PTPRN2: variants seen among roughly 807,000 people sequenced by gnomAD.
PTPRN2 encodes receptor-type tyrosine-protein phosphatase N2.
PTPRN2 carries 74 observed loss-of-function variants against 118.8 expected under a neutral mutation model. That is an observed-to-expected ratio of 0.62 (90% CI 0.52 to 0.76). The LOEUF is 0.76. Among genes scored for constraint, PTPRN2 ranks in the 30% least tolerant of loss-of-function variants. The probability of loss-of-function intolerance (pLI) is 0.00; values close to 1 mark genes in which losing one functional copy is unlikely to be tolerated. For missense variants in PTPRN2, 1,481 were observed against 1,394.4 expected (o/e 1.06, Z -0.99); for synonymous variants, 641 against 608.0 (o/e 1.05, Z -0.80).
chr7:157,917,123 G>A (rs1193783226), intron 11 of PTPRN2, among the ~76,000 whole-genome samples: 4 of 115,342 alleles, frequency 3.5e-5, no homozygotes, highest in East Asian at 5.7e-4. Context: ...CCTCCTCCCT[G>A]GCTGAAGGTC....
chr7:157,977,781 A>T lies in PTPRN2; in HGVS notation c.1724-79044T>A, dbSNP rs558021800. 6.6e-6 allele frequency among the ~76,000 whole-genome samples: 1 copy of T among 151,948 alleles called. No individual in the cohort carries two copies. Among genetic ancestry groups the T allele is most frequent in the East Asian group, 1.9e-4 (1 of 5,174 alleles). ...GAGGCTGCAGCAGGGACACTTGAAG[A>T]TCTAGTGACACCTAAGAGCTCCCTG... is the stretch of plus-strand genomic sequence containing the variant. On this transcript the variant is annotated intron_variant, in intron 11 of 22. Transcript: ENST00000389418. The surrounding 1 kb of genome is among the most constrained non-coding windows in gnomAD (Gnocchi z 4.6).
At chr7:157,815,992 C>T (rs1371706874) in intron 12 of PTPRN2, among the ~76,000 whole-genome samples, 4 of 152,212 alleles carry the variant, frequency 2.6e-5, no homozygotes, top group Non-Finnish European at 4.4e-5. Flanking sequence ...CTGTCACCCT[C>T]GTGCAGATGT....
chr7:158,567,366 G>T (rs1827725757), intron 1 of PTPRN2, among the ~76,000 whole-genome samples: 1 of 152,204 alleles, frequency 6.6e-6, no homozygotes, highest in African/African-American at 2.4e-5. Context: ...GACGAGGCCA[G>T]CCGTGCCTGC....
At chr7:157,742,541 G>A (rs12670477) in intron 12 of PTPRN2, among the ~76,000 whole-genome samples, 8,796 of 151,010 alleles carry the variant, frequency 0.058, 450 homozygotes, top group East Asian at 0.16. Context: ...TGGAGTAAAC[G>A]ATGAATGTGG....
rs541185394 is a variant in PTPRN2, at chr7:158,526,821, C to T, written c.113-37036G>A. On this transcript the variant is annotated intron_variant, in intron 1 of 22. Transcript: ENST00000389418. This position sits in a 1 kb window ranked among gnomAD's most constrained non-coding sequence, Gnocchi z 5.2. ...AGGCCTCTGGGGGAACCTGCCCTGC[C>T]GTGCTCTCATCTTGGACTTTCGGCC... Among the ~76,000 whole-genome samples the T allele has an allele frequency of 2.0e-5, 3 of 152,170 alleles. No individual in the cohort carries two copies. Among genetic ancestry groups the T allele is most frequent in the East Asian group, 1.9e-4 (1 of 5,154 alleles).
chr7:157,556,764 T>A (rs1252740078), intron 21 of PTPRN2, among the ~76,000 whole-genome samples: 4 of 144,420 alleles, frequency 2.8e-5, no homozygotes, highest in Non-Finnish European at 1.5e-5. Context: ...CATATGCACA[T>A]GCACACACAC....
intron 2 of PTPRN2, among the ~76,000 whole-genome samples, chr7:158,469,348 G>A (rs1819672289): frequency 6.6e-6 from 1 of 152,160 alleles, no homozygotes; most frequent in African/African-American, 2.4e-5. Context: ...AGCTGAGGGA[G>A]CAGAATCGTT....
At chr7:158,101,096 G>A (rs1815191228) in intron 10 of PTPRN2, among the ~76,000 whole-genome samples, 1 of 152,108 alleles carries the variant, frequency 6.6e-6, no homozygotes, top group Non-Finnish European at 1.5e-5. Flanking sequence ...ACAACCTGGA[G>A]GCATCACATT....
At position 158,052,555 on chromosome 7, in the gene PTPRN2, G is replaced by A. The variant is rs868204671; in HGVS notation, c.1723+28743C>T. 3.3e-5 allele frequency among the ~76,000 whole-genome samples: 5 copies of A among 152,196 alleles called. 1 individual carries two copies. The highest frequency in any genetic ancestry group is 2.6e-4 in the Admixed American group (4 of 15,286). On this transcript the variant is annotated intron_variant, in intron 11 of 22. Transcript: ENST00000389418. Reference sequence around the variant, plus strand: ...AGGGGTGCGGCCGCTGCTTTGCCTCGTGGGGGCCGTGGAGGGGCGCCCTTC... The same window carrying A: ...AGGGGTGCGGCCGCTGCTTTGCCTCATGGGGGCCGTGGAGGGGCGCCCTTC...
At chr7:157,634,424 A>C (rs914362431) in intron 14 of PTPRN2, among the ~76,000 whole-genome samples, 1 of 152,226 alleles carries the variant, frequency 6.6e-6, no homozygotes, top group Admixed American at 6.5e-5. Flanking sequence ...TCAAAGTACC[A>C]TAGAAAATTA....
At position 157,974,564 on chromosome 7, in the gene PTPRN2, C is replaced by A. The variant is rs536985757; in HGVS notation, c.1724-75827G>T. On this transcript the variant is annotated intron_variant, in intron 11 of 22. Transcript: ENST00000389418. This position sits in a 1 kb window ranked among gnomAD's most constrained non-coding sequence, Gnocchi z 4.0. ...GGGCTCGTCCATGCCTTGTCGTGGA[C>A]ATCTCTGGTCTCAGCCGGCAGGGGT... Among the ~76,000 whole-genome samples the A allele has an allele frequency of 6.6e-6, 1 of 151,758 alleles. No homozygotes were observed. Among genetic ancestry groups the A allele is most frequent in the East Asian group, 2.0e-4 (1 of 5,124 alleles).
intron 16 of PTPRN2, among the ~76,000 whole-genome samples, chr7:157,602,828 C>T: frequency 6.6e-6 from 1 of 152,234 alleles, no homozygotes; most frequent in Admixed American, 6.5e-5. Context: ...TCATCCAAAG[C>T]TCCCTATGGA....
Position 158,525,227 on chromosome 7 carries a change from C to CTCTG in PTPRN2, c.113-35446_113-35443dup, listed in dbSNP as rs931560234. 1.3e-3 allele frequency among the ~76,000 whole-genome samples: 202 copies of CTCTG among 152,332 alleles called. No homozygotes were observed. The highest frequency in any genetic ancestry group is 4.7e-3 in the African/African-American group (195 of 41,582). The stretch of plus-strand genomic sequence containing the variant: ...CTGACCGCTCTGGAAGGAAAAGCAC[C>CTCTG]TCTGGCAAGTAGTCCAGAGGTGAAA... On this transcript the variant is annotated intron_variant, in intron 1 of 22. Coordinates refer to ENST00000389418, the MANE Select transcript of PTPRN2 (RefSeq NM_002847.5). This position sits in a 1 kb window ranked among gnomAD's most constrained non-coding sequence, Gnocchi z 4.1.
intron 3 of PTPRN2, among the ~76,000 whole-genome samples, chr7:158,270,892 C>CA (rs1798390472): frequency 2.4e-5 from 2 of 84,116 alleles, no homozygotes; most frequent in African/African-American, 5.4e-5. Context: ...GGATGACCCC[C>CA]TCCACCTGGA....
Position 157,610,902 on chromosome 7 carries a change from G to C in PTPRN2, c.2345-6827C>G, listed in dbSNP as rs1168181449. ...TAAAGCTCATCGAACATTTAGGAAA[G>C]TCAGCTGAGTGTCATTCAGGGCCTC... On this transcript the variant is annotated intron_variant, in intron 15 of 22. Transcript: ENST00000389418. The surrounding 1 kb of genome is among the most constrained non-coding windows in gnomAD (Gnocchi z 5.1). 6.6e-6 allele frequency among the ~76,000 whole-genome samples: 1 copy of C among 152,250 alleles called. No individual in the cohort carries two copies. Among genetic ancestry groups the C allele is most frequent in the African/African-American group, 2.4e-5 (1 of 41,470 alleles).
intron 4 of PTPRN2, among the ~76,000 whole-genome samples, 163 bp from the exon 5 acceptor site, chr7:158,192,658 G>A (rs1442859113): frequency 6.6e-6 from 1 of 152,140 alleles, no homozygotes; most frequent in East Asian, 1.9e-4. Context: ...CTTCTCCCGG[G>A]CCCCCGAGCC....
At chr7:157,991,024 A>C (rs1003325643) in intron 11 of PTPRN2, among the ~76,000 whole-genome samples, 1 of 152,174 alleles carries the variant, frequency 6.6e-6, no homozygotes, top group Non-Finnish European at 1.5e-5. Context: ...TGTGGACATG[A>C]GGGCACTGCT....
intron 9 of PTPRN2, among the ~76,000 whole-genome samples, chr7:158,113,211 G>C (rs77434791): frequency 4.6e-5 from 7 of 152,144 alleles, no homozygotes; most frequent in Non-Finnish European, 7.3e-5. Flanking sequence ...CGAGCTTAGC[G>C]GGTCATGATG....
chr7:158,214,309 C>T (rs1393726378), intron 3 of PTPRN2, among the ~76,000 whole-genome samples: 1 of 151,672 alleles, frequency 6.6e-6, no homozygotes, highest in Non-Finnish European at 1.5e-5. Context: ...CAGAGAAGGA[C>T]ATGGTGGTGG....
Sources: allele counts gnomAD v4.1 joint callset (sites outside exome capture counted in the v4.1 genomes callset), GRCh38; gene constraint gnomAD v4.1.1; non-coding constraint Gnocchi (gnomAD v3.1); transcripts MANE v1.5; gene names NCBI Gene and HGNC (gene_info 2026-07-23, HGNC 2026-07-21).